VPS41: variants seen among roughly 807,000 people sequenced by gnomAD.
The protein encoded by VPS41 is VPS41 subunit of HOPS complex, also known as vacuolar protein sorting-associated protein 41 homolog.
VPS41 carries 85 observed loss-of-function variants against 130.9 expected under a neutral mutation model. That is an observed-to-expected ratio of 0.65 (90% confidence interval 0.55 to 0.78). The LOEUF (loss-of-function observed/expected upper bound fraction) is 0.78, where lower values mean the gene tolerates loss of function less well. Ranked by LOEUF, VPS41 falls within the 30% of genes least tolerant of loss-of-function variation. The pLI is 0.00. For synonymous variants in VPS41, 335 were observed against 332.9 expected (o/e 1.01, Z -0.07); for missense variants, 874 against 1,018.7 (o/e 0.86, Z 1.93).
intron 5 of VPS41, among the ~76,000 whole-genome samples, chr7:38,828,092 T>G (rs1209752204): frequency 6.6e-6 from 1 of 152,142 alleles, no homozygotes; most frequent in Non-Finnish European, 1.5e-5. Context: ...GAGCAACATC[T>G]CCAAAATTTT....
At chr7:38,761,259 CTCTCTTT>C (rs1396982435) in intron 17 of VPS41, among the ~76,000 whole-genome samples, 1 of 95,976 alleles carries the variant, frequency 1.0e-5, no homozygotes, top group Non-Finnish European at 2.1e-5. Flanking sequence ...CTCTCTCTTC[CTCTCTTT>C]TTTTTTTTTT....
At position 38,869,166 on chromosome 7, in the gene VPS41, A is replaced by T; in HGVS notation, c.148T>A (p.Cys50Ser). 6.2e-7 allele frequency: 1 copy of T among 1,605,182 alleles called. No individual in the cohort carries two copies. Among genetic ancestry groups the T allele is most frequent in the Non-Finnish European group, 8.5e-7 (1 of 1,175,016 alleles). Residue 50 changes from cysteine to serine, a missense_variant, in exon 3 of 29, where the codon TGC becomes AGC. Coordinates refer to ENST00000310301, the MANE Select transcript of VPS41 (RefSeq NM_014396.4). ...CTTACCTTGTCATGGACTGTCATGC[A>T]GCTAGCTGCATCCTTCTGAAGTATT... is the stretch of plus-strand genomic sequence containing the variant. ...TEILQKDAASCMTVHDKFLAL... is the reference protein window; with the variant it reads ...TEILQKDAASSMTVHDKFLAL...
At chr7:38,736,962 AT>A (rs1453614024) in intron 25 of VPS41, among the ~76,000 whole-genome samples, 2 of 152,196 alleles carry the variant, frequency 1.3e-5, no homozygotes, top group African/African-American at 2.4e-5. Flanking sequence ...AGTTGACCTT[AT>A]TTTCAATATG....
In VPS41 at chr7:38,863,483, C is replaced by T. The variant is rs1326586543; in HGVS notation, c.169-861G>A. Among the ~76,000 whole-genome samples the T allele has an allele frequency of 1.3e-5, 2 of 152,116 alleles. 1 individual carries two copies. The highest frequency in any genetic ancestry group is 3.8e-4 in the East Asian group (2 of 5,196). On this transcript the variant is annotated intron_variant, in intron 3 of 28. Transcript: ENST00000310301. ...TACTAAGTGTTTCAGTCAAGCAGCA[C>T]AATCTTTAAAAAATAACCTTACAGA...
chr7:38,811,475 C>A (rs1394501830), intron 7 of VPS41, among the ~76,000 whole-genome samples: 1 of 151,772 alleles, frequency 6.6e-6, no homozygotes, highest in Non-Finnish European at 1.5e-5. Flanking sequence ...CATTAAATTG[C>A]GGACACAGTT....
At chr7:38,743,564 G>T (rs780850166) in intron 23 of VPS41, 22 bp from the exon 24 acceptor site, 3 of 1,608,602 alleles carry the variant, frequency 1.9e-6, no homozygotes, top group Admixed American at 3.4e-5. Flanking sequence ...GAAGATGGGA[G>T]AAAGAGTTCA....
intron 10 of VPS41, among the ~76,000 whole-genome samples, chr7:38,789,335 T>C (rs548923014): frequency 1.3e-5 from 2 of 152,120 alleles, no homozygotes; most frequent in East Asian, 3.9e-4. Flanking sequence ...CTGTAGTGCC[T>C]AAAATGGGAA....
At chr7:38,807,875 C>G (rs1372244918) in intron 7 of VPS41, among the ~76,000 whole-genome samples, 1 of 152,108 alleles carries the variant, frequency 6.6e-6, no homozygotes, top group Non-Finnish European at 1.5e-5. Flanking sequence ...ACTTGCAGTC[C>G]TTGCTCAAAA....
chr7:38,899,611 G>A lies in VPS41; in HGVS notation c.22-1482C>T, dbSNP rs116242028. Reference sequence around the variant, plus strand: ...ACATCTATTATAAACTGCTCATTATGTTCCATTCACCACCCACAACATTAT... The same window carrying A: ...ACATCTATTATAAACTGCTCATTATATTCCATTCACCACCCACAACATTAT... On this transcript the variant is annotated intron_variant, in intron 1 of 28. Transcript: ENST00000310301. Among the ~76,000 whole-genome samples the A allele has an allele frequency of 2.0e-3, 302 of 152,178 alleles. 2 individuals are homozygous for A. The highest frequency in any genetic ancestry group is 7.0e-3 in the African/African-American group (290 of 41,522).
intron 2 of VPS41, among the ~76,000 whole-genome samples, chr7:38,889,727 A>AG (rs1405809839): frequency 6.6e-6 from 1 of 152,178 alleles, no homozygotes; most frequent in East Asian, 1.9e-4. Flanking sequence ...AGAAGATAAC[A>AG]GAAAAAAAGG....
chr7:38,804,391 T>C (rs1340558030), intron 7 of VPS41, among the ~76,000 whole-genome samples: 1 of 152,218 alleles, frequency 6.6e-6, no homozygotes, highest in Non-Finnish European at 1.5e-5. Context: ...TATCCATGTG[T>C]TCTCATCATT....
At chr7:38,848,894 T>A (rs1466128312) in intron 4 of VPS41, among the ~76,000 whole-genome samples, 1 of 152,098 alleles carries the variant, frequency 6.6e-6, no homozygotes, top group African/African-American at 2.4e-5. Context: ...ACTAATGCAA[T>A]GGGGTCAAGG....
rs757692785 is a variant in VPS41, at chr7:38,771,219, A to AT, written c.1163dup (p.Asn388LysfsTer3). On this transcript the variant is annotated frameshift_variant, in exon 14 of 29. Transcript: ENST00000310301. LOFTEE classifies it high-confidence loss of function. ...TTACCAGAATCTTATGTCTTTTAAT[A>AT]TTTTTTTGGCTAATTTCAGCTGCCA... 3.1e-6 allele frequency: 5 copies of AT among 1,600,790 alleles called. No homozygotes were observed. Among genetic ancestry groups the AT allele is most frequent in the East Asian group, 2.2e-5 (1 of 44,602 alleles).
chr7:38,851,539 A>C (rs972361091), intron 4 of VPS41, among the ~76,000 whole-genome samples: 5 of 152,216 alleles, frequency 3.3e-5, no homozygotes, highest in African/African-American at 1.2e-4. Context: ...CATTGTTTAG[A>C]TATACCACAT....
At chr7:38,899,410 T>C (rs1310093428) in intron 1 of VPS41, among the ~76,000 whole-genome samples, 1 of 152,340 alleles carries the variant, frequency 6.6e-6, no homozygotes, top group Non-Finnish European at 1.5e-5. Context: ...ATTATTGCAC[T>C]ACATGATAGC....
chr7:38,792,014 T>C (rs1405210904), intron 9 of VPS41, among the ~76,000 whole-genome samples: 1 of 152,030 alleles, frequency 6.6e-6, no homozygotes, highest in Non-Finnish European at 1.5e-5. Context: ...GCTCTGTGAG[T>C]GATGCCAGAC....
At chr7:38,767,681 CAT>C in intron 14 of VPS41, 83 bp from the exon 15 acceptor site, 2 of 927,328 alleles carry the variant, frequency 2.2e-6, no homozygotes, top group Non-Finnish European at 3.4e-6. Flanking sequence ...CAGGGCATAA[CAT>C]TAGGGTCCTA....
At chr7:38,884,786 A>G (rs1173577223) in intron 2 of VPS41, among the ~76,000 whole-genome samples, 2 of 152,232 alleles carry the variant, frequency 1.3e-5, no homozygotes, top group African/African-American at 4.8e-5. Context: ...AGTTGCGTTC[A>G]CAAATCAAAG....
Position 38,778,083 on chromosome 7 carries a change from T to A in VPS41, c.785-1307A>T, listed in dbSNP as rs574470931. ...GTGGATGACCAAAAAGATGTAATAGTTAGCAACATAAACTTATAAAAAGAT... is the reference window on the plus strand; with the variant it reads ...GTGGATGACCAAAAAGATGTAATAGATAGCAACATAAACTTATAAAAAGAT... On this transcript the variant is annotated intron_variant, in intron 10 of 28. Coordinates refer to ENST00000310301, the MANE Select transcript of VPS41 (RefSeq NM_014396.4). 4.8e-4 allele frequency among the ~76,000 whole-genome samples: 73 copies of A among 152,296 alleles called. 2 individuals carry two copies. The South Asian group carries it at 0.015, about 31-fold the overall frequency.
Sources: gnomAD v4.1 joint callset for allele counts (sites outside exome capture counted in the v4.1 genomes callset) on GRCh38, gnomAD v4.1.1 for gene constraint, MANE v1.5 for transcripts, NCBI Gene and HGNC (gene_info 2026-07-23, HGNC 2026-07-21) for gene names.